TTF1: variants seen among roughly 807,000 people sequenced by gnomAD.
The protein encoded by TTF1 is transcription termination factor 1.
TTF1 carries 64 observed loss-of-function variants against 80.2 expected under a neutral mutation model. That is an observed-to-expected ratio of 0.80 (90% confidence interval 0.65 to 0.98). The LOEUF (loss-of-function observed/expected upper bound fraction) is 0.98, where lower values mean the gene tolerates loss of function less well. Ranked by LOEUF, TTF1 falls within the 50% of genes least tolerant of loss-of-function variation. The pLI is 0.00. For synonymous variants in TTF1, 372 were observed against 382.7 expected, an observed-to-expected ratio of 0.97 and a Z score of 0.33; for missense variants, 1,023 against 1,086.2, an observed-to-expected ratio of 0.94 and a Z score of 0.82.
intron 1 of TTF1, among the ~76,000 whole-genome samples, 172 bp from the exon 2 acceptor site, chr9:132,403,000 C>A (rs1218206253): frequency 6.6e-6 from 1 of 152,192 alleles, no homozygotes; most frequent in African/African-American, 2.4e-5. Context: ...GGACTACAGG[C>A]ACCCACCAGC....
Position 132,377,449 on chromosome 9 carries a change from GGTGT to G in TTF1, c.2465-1285_2465-1282del, listed in dbSNP as rs1255611087. Among the ~76,000 whole-genome samples the G allele has an allele frequency of 4.0e-3, 408 of 102,260 alleles. 12 individuals are homozygous for G. Among genetic ancestry groups the G allele is most frequent in the Middle Eastern group, 0.018 (2 of 112 alleles). The allele number at this position is 102,260 out of a possible 152,430, so 67.1% of individuals were successfully genotyped here. A position where few individuals can be genotyped will look rare whatever the true frequency, so the allele number is the denominator to read the frequency against. ...GCATGTGGTGTGAGTGCATGCATGT[GGTGT>G]GTGTGAGTGCATGTGGTGTGTGTGA... On this transcript the variant is annotated intron_variant, in intron 10 of 10. Coordinates refer to ENST00000334270, the MANE Select transcript of TTF1 (RefSeq NM_007344.4).
chr9:132,393,274 C>A (rs536415548), intron 5 of TTF1, among the ~76,000 whole-genome samples: 4 of 151,974 alleles, frequency 2.6e-5, no homozygotes, highest in South Asian at 4.2e-4. Flanking sequence ...AGCAAGCCCC[C>A]CCCGCAAACT....
Position 132,377,354 on chromosome 9 carries a change from GGTGT to G in TTF1, c.2465-1190_2465-1187del, listed in dbSNP as rs764616983. 1.6e-4 allele frequency among the ~76,000 whole-genome samples: 20 copies of G among 126,046 alleles called. No individual in the cohort carries two copies. In the South Asian group the frequency reaches 1.9e-3, roughly 12 times the overall value. The allele number at this position is 126,046 out of a possible 152,430, so 82.7% of individuals were successfully genotyped here. A position where few individuals can be genotyped will look rare whatever the true frequency, so the allele number is the denominator to read the frequency against. ...GAATGCATGTGGTGTGAGTGCATGT[GGTGT>G]GTGTGAGTGCATGTGGTGTGTGTGA... On this transcript the variant is annotated intron_variant, in intron 10 of 10. Transcript: ENST00000334270.
chr9:132,388,068 TG>T, intron 8 of TTF1, 70 bp downstream of exon 8: 1 of 1,259,206 alleles, frequency 7.9e-7, no homozygotes, highest in Non-Finnish European at 1.1e-6. Flanking sequence ...CTGCAGACTC[TG>T]CTGGGTTAAC....
At chr9:132,386,730 T>G in intron 8 of TTF1, 109 bp from the exon 9 acceptor site, 1 of 844,658 alleles carries the variant, frequency 1.2e-6, no homozygotes, top group Non-Finnish European at 1.9e-6. Flanking sequence ...TTTCGCCGCA[T>G]TCCAGCTCCC....
chr9:132,388,048 G>T, intron 8 of TTF1, 91 bp downstream of exon 8: 1 of 957,586 alleles, frequency 1.0e-6, no homozygotes, highest in Non-Finnish European at 1.6e-6. Context: ...TTTGGACCTT[G>T]GCAATCTCAC....
rs758828147 is a variant in TTF1, at chr9:132,402,673, GTTAT to G, written c.145_148del (p.Ile49LeufsTer18). ...ATCTTTTTTCCTCTTTTTCCTCCTA[GTTAT>G]TTGAGACTGTTCATTCACCAGGGAG... On this transcript the variant is annotated frameshift_variant, in exon 2 of 11. Transcript: ENST00000334270. LOFTEE classifies it high-confidence loss of function. 2 of 1,613,666 alleles carry G rather than the reference GTTAT, an allele frequency of 1.2e-6. No homozygotes were observed. The highest frequency in any genetic ancestry group is 1.7e-5 in the Admixed American group (1 of 59,900).
chr9:132,377,180 T>A (rs1343793198), intron 10 of TTF1, among the ~76,000 whole-genome samples: 1 of 145,462 alleles, frequency 6.9e-6, no homozygotes, highest in Non-Finnish European at 1.5e-5. Flanking sequence ...GCATGTGGTG[T>A]GTGAGTGCAT....
At chr9:132,400,471 C>T (rs1339255013) in intron 2 of TTF1, among the ~76,000 whole-genome samples, 5 of 152,098 alleles carry the variant, frequency 3.3e-5, no homozygotes, top group African/African-American at 4.8e-5. Context: ...TACAGGTACG[C>T]GCCACCACGC....
chr9:132,400,084 C>T lies in TTF1; in HGVS notation c.1542G>A (p.Lys514=). 6.2e-7 allele frequency: 1 copy of T among 1,614,196 alleles called. No individual in the cohort carries two copies. Among genetic ancestry groups the T allele is most frequent in the East Asian group, 2.2e-5 (1 of 44,888 alleles). The part of the protein sequence containing the change: ...NIKDRATSTI[K]RMYRDDLERF... ...GTTCCAAGTCGTCCCGGTACATCCGCTTGATTGTGCTGGTGGCCCTGTCCT... is the reference window on the plus strand; with the variant it reads ...GTTCCAAGTCGTCCCGGTACATCCGTTTGATTGTGCTGGTGGCCCTGTCCT... Residue 514 remains lysine (K), a synonymous_variant, in exon 3 of 11, where the codon AAG becomes AAA. Coordinates refer to ENST00000334270, the MANE Select transcript of TTF1 (RefSeq NM_007344.4).
intron 9 of TTF1, among the ~76,000 whole-genome samples, chr9:132,380,156 G>C (rs1198335001): frequency 6.6e-6 from 1 of 151,756 alleles, no homozygotes; most frequent in African/African-American, 2.4e-5. Context: ...TGCAACTTCT[G>C]CCTCCAAGGT....
rs370078586 is a variant in TTF1 at position 132,397,535 on chromosome 9, G to C, written c.1777+606C>G. On this transcript the variant is annotated intron_variant, in intron 4 of 10. Transcript: ENST00000334270. ...CATGGTGCGTATAAGGATGTGCTTT[G>C]TGTAGCGTACACAAAATATAAATAA... Among the ~76,000 whole-genome samples the C allele has an allele frequency of 3.9e-5, 6 of 152,204 alleles. No individual in the cohort carries two copies. In the East Asian group the frequency reaches 7.7e-4, roughly 20 times the overall value.
chr9:132,392,090 G>C lies in TTF1; in HGVS notation c.1973C>G (p.Ser658Ter). The C allele has an allele frequency of 6.2e-7, 1 of 1,614,000 alleles. No individual in the cohort carries two copies. Among genetic ancestry groups the C allele is most frequent in the Non-Finnish European group, 8.5e-7 (1 of 1,180,020 alleles). ...RSSLSVALKF[S>*]QISSQRNRGA... is the part of the protein sequence containing the mutation. ...CTGCCACTTACGACTGCTGATCTGT[G>C]AGAACTTGAGGGCCACGGAGAGGCT... The change falls in exon 6 of 11, where the codon TCA becomes TGA. Residue 658 changes from serine (S) to a stop codon, truncating the protein, a stop_gained. Coordinates refer to ENST00000334270, the MANE Select transcript of TTF1 (RefSeq NM_007344.4). LOFTEE classifies it high-confidence loss of function.
At chr9:132,393,283 C>A (rs1040391638) in intron 5 of TTF1, among the ~76,000 whole-genome samples, 1 of 138,990 alleles carries the variant, frequency 7.2e-6, no homozygotes, top group South Asian at 2.4e-4. Context: ...CCCCCGCAAA[C>A]TGGCCATAAA....
At chr9:132,395,955 G>A (rs1245961541) in intron 5 of TTF1, among the ~76,000 whole-genome samples, 1 of 152,238 alleles carries the variant, frequency 6.6e-6, no homozygotes, top group African/African-American at 2.4e-5. Flanking sequence ...AAAGGAAGGA[G>A]AGAATGACAA....
chr9:132,390,564 G>A (rs1165732479), intron 7 of TTF1, 33 bp downstream of exon 7: 20 of 1,601,278 alleles, frequency 1.2e-5, no homozygotes, highest in South Asian at 2.2e-5. Context: ...ACAGAAGCTG[G>A]AGAGACAGAG....
In TTF1 at chr9:132,400,327, CCTT is replaced by C. The variant is rs1849737406; in HGVS notation, c.1368-72_1368-70del. On this transcript the variant is annotated intron_variant, in intron 2 of 10. Transcript: ENST00000334270. Reference sequence around the variant, plus strand: ...TTGACCTCATAACTTTAAAATTTTTCCTTCTTTTTTTTCGTGAGACAGAGGCTT... The same window carrying C: ...TTGACCTCATAACTTTAAAATTTTTCCTTTTTTTTCGTGAGACAGAGGCTT... 5 of 1,398,110 alleles carry C rather than the reference CCTT, an allele frequency of 3.6e-6. No individual in the cohort carries two copies. The African/African-American group carries it at 7.1e-5, about 20-fold the overall frequency. 86.6% of individuals were successfully genotyped at this position (1,398,110 alleles called of 1,614,324 possible).
At chr9:132,387,200 C>T (rs1282319332) in intron 8 of TTF1, among the ~76,000 whole-genome samples, 1 of 152,204 alleles carries the variant, frequency 6.6e-6, no homozygotes, top group Non-Finnish European at 1.5e-5. Flanking sequence ...CTCCTCCTGC[C>T]TTGGCCTCCC....
At chr9:132,388,595 C>T (rs111280814) in intron 7 of TTF1, among the ~76,000 whole-genome samples, 1 of 152,276 alleles carries the variant, frequency 6.6e-6, no homozygotes, top group African/African-American at 2.4e-5. Context: ...CCTGCCTAGG[C>T]CTCCCAAAGT....
Sources: allele counts gnomAD v4.1 joint callset (sites outside exome capture counted in the v4.1 genomes callset), GRCh38; gene constraint gnomAD v4.1.1; transcripts MANE v1.5; gene names NCBI Gene and HGNC (gene_info 2026-07-23, HGNC 2026-07-21).